BAHD1: variants seen among roughly 807,000 people sequenced by gnomAD.
BAHD1 encodes bromo adjacent homology domain-containing 1 protein.
A neutral mutation model predicts 63.1 loss-of-function variants in BAHD1; 20 were observed. The observed-to-expected ratio is 0.32, with a 90% CI of 0.22 to 0.46. The LOEUF is 0.46. BAHD1 is among the 20% of genes least tolerant of loss of function. BAHD1 has a pLI of 1.00. For synonymous variants in BAHD1, 408 were observed against 426.8 expected, an observed-to-expected ratio of 0.96 and a Z score of 0.54; for missense variants, 939 against 1,071.8, an observed-to-expected ratio of 0.88 and a Z score of 1.73.
intron 1 of BAHD1, among the ~76,000 whole-genome samples, chr15:40,447,693 T>C (rs575408059): frequency 1.2e-4 from 18 of 151,772 alleles, no homozygotes; most frequent in Non-Finnish European, 1.9e-4. Context: ...CAGAGGGAGG[T>C]AGACAAGGGG....
At position 40,459,792 on chromosome 15, in the gene BAHD1, A is replaced by C; in HGVS notation, c.1328A>C (p.Asp443Ala). The C allele has an allele frequency of 6.2e-7, 1 of 1,613,774 alleles. No individual in the cohort carries two copies. Among genetic ancestry groups the C allele is most frequent in the South Asian group, 1.1e-5 (1 of 91,084 alleles). The change falls in exon 2 of 7, where the codon GAC becomes GCC. Residue 443 changes from aspartate (D) to alanine (A), a missense_variant. By Grantham distance (126) the Asp-to-Ala change is moderately radical. Coordinates refer to ENST00000416165, the MANE Select transcript of BAHD1 (RefSeq NM_014952.5). ...TCCTCTCGCTACTGCTCTAGCGAGG[A>C]CACTGGAGTGAATGGCTACAGCATC... ...WGSSRYCSSE[D>A]TGVNGYSICG...
At chr15:40,450,028 C>A (rs1438544906) in intron 1 of BAHD1, among the ~76,000 whole-genome samples, 1 of 152,072 alleles carries the variant, frequency 6.6e-6, no homozygotes, top group Non-Finnish European at 1.5e-5. Flanking sequence ...AGATTTTACA[C>A]AGGGTGGGGC....
rs1339784498 is a variant in BAHD1, at chr15:40,464,478, G to A, written c.1983G>A (p.Leu661=). ...ACTGTGTTGTCCTTCCAGGAGAGCTGATGATGAGCCTCCTGTGGTATTACA... is the reference window on the plus strand; with the variant it reads ...ACTGTGTTGTCCTTCCAGGAGAGCTAATGATGAGCCTCCTGTGGTATTACA... ...ALWENPESGE[L]MMSLLWYYRP... The change falls in exon 5 of 7, where the codon CTG becomes CTA. Residue 661 remains leucine, a synonymous_variant. Coordinates refer to ENST00000416165, the MANE Select transcript of BAHD1 (RefSeq NM_014952.5). 6.2e-7 allele frequency: 1 copy of A among 1,612,842 alleles called. No individual in the cohort carries two copies. Among genetic ancestry groups the A allele is most frequent in the African/African-American group, 1.3e-5 (1 of 74,924 alleles).
In BAHD1 at chr15:40,466,130, GCCT is replaced by G. The variant is rs1373364145; in HGVS notation, c.*5_*7del. 9.9e-6 allele frequency: 16 copies of G among 1,611,196 alleles called. No individual in the cohort carries two copies. Among genetic ancestry groups the G allele is most frequent in the Non-Finnish European group, 1.3e-5 (15 of 1,178,350 alleles). On this transcript the variant is annotated 3_prime_UTR_variant, in exon 7 of 7. Transcript: ENST00000416165. ...GGCGCATCCTTAAGAACCCCCAGTA[GCCT>G]CCTCATGCCCATGCTGGGGCTACCC... is the stretch of plus-strand genomic sequence containing the variant.
chr15:40,446,904 C>T (rs932783940), intron 1 of BAHD1, among the ~76,000 whole-genome samples: 4 of 152,126 alleles, frequency 2.6e-5, no homozygotes, highest in Non-Finnish European at 1.5e-5. Context: ...TTGGGGACTC[C>T]TAGCCTCCAT....
chr15:40,443,413 A>G, intron 1 of BAHD1: 1 of 659,926 alleles, frequency 1.5e-6, no homozygotes, highest in Non-Finnish European at 1.9e-6. Context: ...GATGAATCTC[A>G]AGGCCTTTGT....
upstream of BAHD1, among the ~76,000 whole-genome samples, chr15:40,438,765 T>C (rs1351926946): frequency 1.3e-5 from 2 of 152,176 alleles, no homozygotes; most frequent in Non-Finnish European, 2.9e-5. Context: ...TTCCTGCCAC[T>C]TAGGTCTCCT....
Position 40,458,815 on chromosome 15 carries a change from G to T in BAHD1, c.351G>T (p.Arg117=). Reference sequence around the variant, plus strand: ...CTGGCCTTGCCCAGCCCCGCAAGCGGCGCCTGGCCTCCCTCAATGCTGAAG... The same window carrying T: ...CTGGCCTTGCCCAGCCCCGCAAGCGTCGCCTGGCCTCCCTCAATGCTGAAG... ...EDPGLAQPRK[R]RLASLNAEAL... The change falls in exon 2 of 7, where the codon CGG becomes CGT. Residue 117 remains arginine, a synonymous_variant. Coordinates refer to ENST00000416165, the MANE Select transcript of BAHD1 (RefSeq NM_014952.5). The surrounding 1 kb of genome is among the most constrained non-coding windows in gnomAD (Gnocchi z 4.7). The T allele has an allele frequency of 6.2e-7, 1 of 1,612,810 alleles. No homozygotes were observed.
intron 1 of BAHD1, among the ~76,000 whole-genome samples, chr15:40,444,888 C>G (rs1463564193): frequency 1.3e-5 from 2 of 152,102 alleles, no homozygotes; most frequent in Non-Finnish European, 2.9e-5. Context: ...GATTAATGGA[C>G]CAGCATTTCC....
In BAHD1 at chr15:40,459,639, G is replaced by T. The variant is rs371861712; in HGVS notation, c.1175G>T (p.Gly392Val). The change falls in exon 2 of 7, where the codon GGC becomes GTC. Residue 392 changes from glycine (G) to valine (V), a missense_variant. Gly to Val is a moderately radical substitution (Grantham distance 109). Transcript: ENST00000416165. ...YCGQEGLQCG[G>V]YSPCPMLPEG... ...GGCCAAGAGGGGCTGCAGTGTGGGG[G>T]CTACTCGCCCTGCCCCATGCTTCCT... is the stretch of plus-strand genomic sequence containing the variant. 2.5e-6 allele frequency: 4 copies of T among 1,614,148 alleles called. No homozygotes were observed. Among genetic ancestry groups the T allele is most frequent in the Non-Finnish European group, 3.4e-6 (4 of 1,180,024 alleles).
chr15:40,438,386 A>G (rs1893320214), upstream of BAHD1, among the ~76,000 whole-genome samples: 1 of 152,150 alleles, frequency 6.6e-6, no homozygotes, highest in Admixed American at 6.5e-5. Flanking sequence ...TTGTTTTAAC[A>G]AGCAATAGGG....
At chr15:40,457,986 G>A (rs914227664) in intron 1 of BAHD1, among the ~76,000 whole-genome samples, 7 of 152,054 alleles carry the variant, frequency 4.6e-5, no homozygotes, top group Admixed American at 3.3e-4. Flanking sequence ...GCACTCCAGC[G>A]AGACTCCGTC....
intron 4 of BAHD1, 142 bp from the exon 5 acceptor site, chr15:40,464,329 T>G: frequency 1.4e-6 from 1 of 732,342 alleles, no homozygotes; most frequent in East Asian, 2.7e-5. Flanking sequence ...TCTGAATGCT[T>G]GGCCTGGGGC....
chr15:40,440,439 C>A (rs1052074340), upstream of BAHD1, among the ~76,000 whole-genome samples: 1 of 151,944 alleles, frequency 6.6e-6, no homozygotes, highest in Non-Finnish European at 1.5e-5. Context: ...TGAAGCTTTG[C>A]CCTGGGGGCA....
chr15:40,455,251 G>T (rs987830003), intron 1 of BAHD1, among the ~76,000 whole-genome samples: 1 of 152,148 alleles, frequency 6.6e-6, no homozygotes, highest in Non-Finnish European at 1.5e-5. Flanking sequence ...AATGTGACTC[G>T]CACCCTGTGA....
At chr15:40,452,946 G>A (rs1893749085) in intron 1 of BAHD1, among the ~76,000 whole-genome samples, 1 of 152,194 alleles carries the variant, frequency 6.6e-6, no homozygotes, top group Non-Finnish European at 1.5e-5. Context: ...TGGGCACTTA[G>A]GTGTTTTTAG....
At chr15:40,449,083 T>C (rs890816725) in intron 1 of BAHD1, among the ~76,000 whole-genome samples, 7 of 152,134 alleles carry the variant, frequency 4.6e-5, no homozygotes, top group African/African-American at 1.7e-4. Flanking sequence ...CCCAAAGTGC[T>C]GGGATTACAG....
chr15:40,449,024 C>A (rs1416886262), intron 1 of BAHD1, among the ~76,000 whole-genome samples: 2 of 152,062 alleles, frequency 1.3e-5, no homozygotes, highest in African/African-American at 4.8e-5. Context: ...CCATGTTGGT[C>A]AGGCTGGCCT....
At position 40,462,197 on chromosome 15, in the gene BAHD1, C is replaced by A; in HGVS notation, c.1718C>A (p.Pro573Gln). ...CGCAGGCCTAGCCACCCCAAGCAGC[C>A]ACGTGTCCAGCGCCCACGCCCTCGC... is the stretch of plus-strand genomic sequence containing the variant. ...AARRPSHPKQ[P>Q]RVQRPRPRRR... The change falls in exon 3 of 7, where the codon CCA (proline) becomes CAA (glutamine). Residue 573 changes from proline to glutamine, a missense_variant. By Grantham distance (76) the Pro-to-Gln change is moderately conservative. Around this residue, in one of 5 missense-constraint regions of BAHD1, gnomAD observed 797 missense variants for 813.3 expected, o/e 0.98. Coordinates refer to ENST00000416165, the MANE Select transcript of BAHD1 (RefSeq NM_014952.5). 1 of 1,612,646 alleles carries A rather than the reference C, an allele frequency of 6.2e-7. No individual in the cohort carries two copies. Among genetic ancestry groups the A allele is most frequent in the Non-Finnish European group, 8.5e-7 (1 of 1,179,906 alleles).
Sources: allele counts gnomAD v4.1 joint callset (sites outside exome capture counted in the v4.1 genomes callset), GRCh38; gene constraint gnomAD v4.1.1; regional missense constraint gnomAD v4.1.1; non-coding constraint Gnocchi (gnomAD v3.1); transcripts MANE v1.5; gene names NCBI Gene and HGNC (gene_info 2026-07-23, HGNC 2026-07-21).